The following TIAM2 variants were observed in gnomAD, a reference collection of about 807,000 sequenced individuals.
TIAM2 encodes the protein TIAM Rac1 associated GEF 2, also known as rho guanine nucleotide exchange factor TIAM2.
A neutral mutation model predicts 152.9 loss-of-function variants in TIAM2; 80 were observed. The observed-to-expected ratio is 0.52, with a 90% CI of 0.44 to 0.63. The LOEUF (loss-of-function observed/expected upper bound fraction) is 0.63. Ranked by LOEUF, TIAM2 falls within the 30% of genes least tolerant of loss-of-function variation. TIAM2 has a pLI of 0.00. For synonymous variants in TIAM2, 804 were observed against 838.0 expected, an observed-to-expected ratio of 0.96 and a Z score of 0.70; for missense variants, 1,965 against 2,120.1, an observed-to-expected ratio of 0.93 and a Z score of 1.44.
At chr6:155,058,377 C>T (rs1777498771) in intron 1 of TIAM2, among the ~76,000 whole-genome samples, 1 of 152,084 alleles carries the variant, frequency 6.6e-6, no homozygotes. Context: ...AACATGCATC[C>T]AGAGAAGCAA....
At chr6:155,250,239 A>T (rs1388803977) in intron 21 of TIAM2, among the ~76,000 whole-genome samples, 4 of 151,444 alleles carry the variant, frequency 2.6e-5, no homozygotes, top group African/African-American at 9.7e-5. Flanking sequence ...GGGTGGAGAA[A>T]GGACATGGGA....
chr6:155,178,981 C>T, intron 10 of TIAM2, 58 bp from the exon 11 acceptor site: 2 of 1,323,746 alleles, frequency 1.5e-6, no homozygotes, highest in South Asian at 1.3e-5. Context: ...AGCCTGCTAA[C>T]CAATGATGGA....
At chr6:155,023,274 G>T (rs1776535160) in intron 1 of TIAM2, among the ~76,000 whole-genome samples, 1 of 152,078 alleles carries the variant, frequency 6.6e-6, no homozygotes, top group African/African-American at 2.4e-5. Flanking sequence ...CTCCCTTTAG[G>T]CCAAGTCTCA....
chr6:155,240,388 GTGAA>G (rs1245457293), intron 15 of TIAM2, 138 bp from the exon 16 acceptor site: 7 of 767,050 alleles, frequency 9.1e-6, no homozygotes, highest in Non-Finnish European at 1.4e-5. Context: ...GGGGTTTGAG[GTGAA>G]TGAAACCCTT....
chr6:155,047,662 A>AG (rs1777208169), intron 1 of TIAM2, among the ~76,000 whole-genome samples: 3 of 78,218 alleles, frequency 3.8e-5, no homozygotes, highest in African/African-American at 1.4e-4. Flanking sequence ...AGAGAGAGAG[A>AG]GAGAGGAGAG....
At chr6:155,126,467 C>T (rs1157780675) in intron 2 of TIAM2, among the ~76,000 whole-genome samples, 1 of 152,174 alleles carries the variant, frequency 6.6e-6, no homozygotes, top group Non-Finnish European at 1.5e-5. Flanking sequence ...CGCGGTGGCT[C>T]ACGCCTGTAA....
chr6:155,145,710 T>A (rs1779806463), intron 6 of TIAM2, among the ~76,000 whole-genome samples: 1 of 152,026 alleles, frequency 6.6e-6, no homozygotes, highest in South Asian at 2.1e-4. Flanking sequence ...AGATCTCTCA[T>A]AAGGATGGTC....
Position 155,028,229 on chromosome 6 carries a change from C to T in TIAM2, c.-209+32737C>T, listed in dbSNP as rs1048819120. ...ATATATGTACTGTGTTACATATATA[C>T]TACATATAATATATGTACTGTGTTA... On this transcript the variant is annotated intron_variant, in intron 1 of 26. Transcript: ENST00000682666. 1.6e-4 allele frequency among the ~76,000 whole-genome samples: 20 copies of T among 125,764 alleles called. 2 individuals carry two copies. In the South Asian group the frequency reaches 5.0e-3, roughly 32 times the overall value. The allele number at this position is 125,764 out of a possible 152,430, so 82.5% of individuals were successfully genotyped here.
In TIAM2 at chr6:155,172,741, C is replaced by T. The variant is rs556017132; in HGVS notation, c.2362-4075C>T. 1.9e-4 allele frequency among the ~76,000 whole-genome samples: 22 copies of T among 114,680 alleles called. No individual in the cohort carries two copies. The South Asian group carries it at 6.2e-3, about 32-fold the overall frequency. 75.2% of individuals were successfully genotyped at this position (114,680 alleles called of 152,430 possible). A position where few individuals can be genotyped will look rare whatever the true frequency, so the allele number is the denominator to read the frequency against. On this transcript the variant is annotated intron_variant, in intron 9 of 26. Coordinates refer to ENST00000682666, the MANE Select transcript of TIAM2 (RefSeq NM_012454.4). Reference sequence around the variant, plus strand: ...TGATGGGAGGAAGTAGAGTAGGAGGCGTGGTAGGTGCGTAACAGTCCTGGC... The same window carrying T: ...TGATGGGAGGAAGTAGAGTAGGAGGTGTGGTAGGTGCGTAACAGTCCTGGC...
rs1776727293 is a variant in TIAM2 at position 155,029,144 on chromosome 6, CTATA to C, written c.-209+33654_-209+33657del. On this transcript the variant is annotated intron_variant, in intron 1 of 26. Coordinates refer to ENST00000682666, the MANE Select transcript of TIAM2 (RefSeq NM_012454.4). ...CTGTATGTACTATGTGTTATATACA[CTATA>C]TGTACTATGTGTTATATACACTATA... 7.5e-5 allele frequency among the ~76,000 whole-genome samples: 9 copies of C among 119,668 alleles called. 3 individuals carry two copies. Among genetic ancestry groups the C allele is most frequent in the African/African-American group, 2.7e-4 (9 of 32,816 alleles). The allele number at this position is 119,668 out of a possible 152,430, so 78.5% of individuals were successfully genotyped here.
At chr6:155,031,965 T>C (rs1307268046) in intron 1 of TIAM2, among the ~76,000 whole-genome samples, 1 of 152,176 alleles carries the variant, frequency 6.6e-6, no homozygotes, top group African/African-American at 2.4e-5. Flanking sequence ...TTTGAAGATG[T>C]ATATCAACTG....
chr6:155,079,341 C>A (rs949924364), intron 1 of TIAM2, among the ~76,000 whole-genome samples: 1 of 152,182 alleles, frequency 6.6e-6, no homozygotes, highest in Admixed American at 6.5e-5. Context: ...GGATTACAGA[C>A]GTGAGCCTCC....
At chr6:155,017,470 A>T (rs1778611667) in intron 1 of TIAM2, among the ~76,000 whole-genome samples, 1 of 149,720 alleles carries the variant, frequency 6.7e-6, no homozygotes, top group Non-Finnish European at 1.5e-5. Context: ...GCTTCCTGTC[A>T]CTACTGCTTC....
chr6:155,247,868 G>C, intron 19 of TIAM2, 132 bp from the exon 20 acceptor site: 1 of 1,171,592 alleles, frequency 8.5e-7, no homozygotes, highest in East Asian at 2.4e-5. Flanking sequence ...CCACTGATGT[G>C]TTGGGGTTTT....
At chr6:155,018,514 G>A (rs566451817) in intron 1 of TIAM2, among the ~76,000 whole-genome samples, 2 of 151,120 alleles carry the variant, frequency 1.3e-5, no homozygotes, top group Admixed American at 1.3e-4. Flanking sequence ...AGCTACTCAG[G>A]AGGCTGAGGC....
intron 1 of TIAM2, among the ~76,000 whole-genome samples, chr6:155,054,175 CAAACAAAACA>C (rs146303429): frequency 6.6e-6 from 1 of 151,818 alleles, no homozygotes; most frequent in African/African-American, 2.4e-5. Context: ...CTGCATCTCA[CAAACAAAACA>C]AAACAAAACA....
intron 4 of TIAM2, among the ~76,000 whole-genome samples, chr6:155,130,768 G>C (rs527480795): frequency 6.6e-6 from 1 of 152,158 alleles, no homozygotes; most frequent in African/African-American, 2.4e-5. Flanking sequence ...ATTCTGGGGA[G>C]GGCTCTCTTC....
intron 1 of TIAM2, among the ~76,000 whole-genome samples, chr6:154,999,084 G>A (rs1195349125): frequency 6.6e-6 from 1 of 152,110 alleles, no homozygotes; most frequent in South Asian, 2.1e-4. Flanking sequence ...TCCATTTGGA[G>A]TGGAATTTGG....
intron 15 of TIAM2, among the ~76,000 whole-genome samples, chr6:155,223,265 GAT>G (rs1467473238): frequency 2.6e-5 from 4 of 152,156 alleles, no homozygotes; most frequent in African/African-American, 9.7e-5. Flanking sequence ...TAATATTATT[GAT>G]ATTGCAGAAT....
Sources: gnomAD v4.1 joint callset for allele counts (sites outside exome capture counted in the v4.1 genomes callset) on GRCh38, gnomAD v4.1.1 for gene constraint, MANE v1.5 for transcripts, NCBI Gene and HGNC (gene_info 2026-07-23, HGNC 2026-07-21) for gene names.